Variants in SAMD12 observed in about 807,000 individuals in gnomAD.
The protein encoded by SAMD12 is sterile alpha motif domain-containing protein 12.
In SAMD12, 9 loss-of-function variants were observed where a neutral mutation model predicts 15.0. The observed-to-expected ratio is 0.60, with a 90% CI of 0.36 to 1.05. The LOEUF (loss-of-function observed/expected upper bound fraction) is 1.05, where lower values mean the gene tolerates loss of function less well. Among genes scored for constraint, SAMD12 ranks in the 50% least tolerant of loss-of-function variants. The pLI is 0.01. For synonymous variants in SAMD12, 86 were observed against 90.1 expected (o/e 0.96, Z 0.25); for missense variants, 230 against 234.2 (o/e 0.98, Z 0.12).
chr8:118,453,171 T>G (rs900462261), intron 2 of SAMD12, among the ~76,000 whole-genome samples: 1 of 152,240 alleles, frequency 6.6e-6, no homozygotes, highest in Non-Finnish European at 1.5e-5. Flanking sequence ...ACTTTTATTA[T>G]ATATTGTCAA....
At chr8:118,335,585 G>A (rs1817017972) in intron 4 of SAMD12, among the ~76,000 whole-genome samples, 1 of 152,184 alleles carries the variant, frequency 6.6e-6, no homozygotes, top group Admixed American at 6.5e-5. Flanking sequence ...TATCATTAAA[G>A]TGTGTGCCGA....
At chr8:118,492,962 G>T (rs1824492666) in intron 2 of SAMD12, among the ~76,000 whole-genome samples, 1 of 151,836 alleles carries the variant, frequency 6.6e-6, no homozygotes, top group Non-Finnish European at 1.5e-5. Flanking sequence ...CAATTTACTG[G>T]AGAAGGCATC....
At chr8:118,586,550 C>G (rs938024349) in intron 1 of SAMD12, among the ~76,000 whole-genome samples, 15 of 152,128 alleles carry the variant, frequency 9.9e-5, no homozygotes, top group Admixed American at 8.5e-4. Context: ...GCCATGTTGC[C>G]CAGGCTGGTC....
chr8:118,567,858 C>T (rs1490416922), intron 2 of SAMD12, among the ~76,000 whole-genome samples: 1 of 152,168 alleles, frequency 6.6e-6, no homozygotes, highest in East Asian at 1.9e-4. Flanking sequence ...AAAATCCTTC[C>T]AGTTTGTTTT....
In SAMD12 at chr8:118,311,616, C is replaced by T. The variant is rs941055124; in HGVS notation, c.433+67944G>A. ...AAAACAAGACATAAATTCTGAGGCT[C>T]ATATGCACTTGGAGTCTATGTAGTG... On this transcript the variant is annotated intron_variant, in intron 4 of 4. Transcript: ENST00000409003. Among the ~76,000 whole-genome samples the T allele has an allele frequency of 2.6e-5, 4 of 152,254 alleles. No homozygotes were observed. The South Asian group carries it at 6.2e-4, about 24-fold the overall frequency.
intron 4 of SAMD12, among the ~76,000 whole-genome samples, chr8:118,210,124 G>C (rs568455418): frequency 2.6e-5 from 4 of 152,170 alleles, no homozygotes; most frequent in Non-Finnish European, 5.9e-5. Context: ...TCTCTATTTG[G>C]ATGAGGAAAC....
chr8:118,373,891 T>C (rs1377575636), downstream of SAMD12, among the ~76,000 whole-genome samples: 1 of 151,898 alleles, frequency 6.6e-6, no homozygotes, highest in East Asian at 1.9e-4. Context: ...CATGAGAAAA[T>C]AAAACAATAA....
chr8:118,588,755 T>A (rs1827510189), intron 1 of SAMD12, among the ~76,000 whole-genome samples: 1 of 152,130 alleles, frequency 6.6e-6, no homozygotes, highest in Non-Finnish European at 1.5e-5. Flanking sequence ...CCTCCTTTAC[T>A]CTAGCAACAT....
rs575138383 is a variant in SAMD12, at chr8:118,478,074, C to T, written c.193-38113G>A. Among the ~76,000 whole-genome samples the T allele has an allele frequency of 4.4e-4, 67 of 151,334 alleles. 2 individuals are homozygous for T. Among genetic ancestry groups the T allele is most frequent in the African/African-American group, 1.5e-3 (62 of 41,282 alleles). On this transcript the variant is annotated intron_variant, in intron 2 of 3. Coordinates refer to ENST00000314727, the MANE Select transcript of SAMD12 (RefSeq NM_207506.3). ...ATAATATTGCCTGCCTGACTCTGCACCTCTAGTTCTCAATATGCCTTCATT... is the reference window on the plus strand; with the variant it reads ...ATAATATTGCCTGCCTGACTCTGCATCTCTAGTTCTCAATATGCCTTCATT...
At chr8:118,353,453 A>G (rs1208383352) in intron 4 of SAMD12, among the ~76,000 whole-genome samples, 1 of 151,942 alleles carries the variant, frequency 6.6e-6, no homozygotes, top group East Asian at 1.9e-4. Context: ...TTGTAAGAAG[A>G]GACAGAAGAG....
chr8:118,570,149 A>G (rs1826967961), intron 2 of SAMD12, among the ~76,000 whole-genome samples: 2 of 152,194 alleles, frequency 1.3e-5, no homozygotes, highest in African/African-American at 4.8e-5. Context: ...GAGCCACACC[A>G]TCTGAAATCT....
intron 1 of SAMD12, among the ~76,000 whole-genome samples, chr8:118,604,162 C>T (rs1568484): frequency 0.89 from 135,205 of 152,240 alleles, 60,114 homozygotes; most frequent in Middle Eastern, 0.96. Flanking sequence ...GTTACCTACC[C>T]AGAGCCTGTT....
chr8:118,186,928 A>C (rs1819252174), downstream of SAMD12, among the ~76,000 whole-genome samples: 1 of 152,170 alleles, frequency 6.6e-6, no homozygotes, highest in South Asian at 2.1e-4. Flanking sequence ...TGTAACTCAT[A>C]CCCACATCTC....
At chr8:118,464,118 CT>C (rs1466161037) in intron 2 of SAMD12, among the ~76,000 whole-genome samples, 1 of 152,108 alleles carries the variant, frequency 6.6e-6, no homozygotes, top group African/African-American at 2.4e-5. Context: ...ATATACTGTC[CT>C]TTACCTTCTG....
chr8:118,133,473 G>A, the SAMD12 span, among the ~76,000 whole-genome samples: 2 of 152,054 alleles, frequency 1.3e-5, no homozygotes, highest in African/African-American at 4.8e-5. Flanking sequence ...GCATCTATTA[G>A]CTATTCTTCC....
intron 2 of SAMD12, among the ~76,000 whole-genome samples, chr8:118,449,528 T>C (rs1823012222): frequency 6.7e-6 from 1 of 150,146 alleles, no homozygotes; most frequent in African/African-American, 2.4e-5. Flanking sequence ...AGTGAGAAAA[T>C]AGGCCGGGCG....
chr8:118,186,721 G>C (rs904595237), downstream of SAMD12, among the ~76,000 whole-genome samples: 56 of 152,170 alleles, frequency 3.7e-4, no homozygotes, highest in Admixed American at 2.9e-3. Flanking sequence ...TAATGATTTT[G>C]AAAGGGAGAA....
intron 4 of SAMD12, among the ~76,000 whole-genome samples, chr8:118,351,499 A>G (rs923602637): frequency 2.0e-5 from 3 of 152,180 alleles, no homozygotes; most frequent in Non-Finnish European, 4.4e-5. Flanking sequence ...AGCTGCCTCA[A>G]TCACAGCATT....
chr8:118,225,595 G>A (rs555344207), intron 4 of SAMD12, among the ~76,000 whole-genome samples: 18 of 152,216 alleles, frequency 1.2e-4, no homozygotes, highest in Admixed American at 9.8e-4. Context: ...GGAGCTTAGC[G>A]TTCAGGAGTT....
Sources: gnomAD v4.1 joint callset for allele counts (sites outside exome capture counted in the v4.1 genomes callset) on GRCh38, gnomAD v4.1.1 for gene constraint, MANE v1.5 for transcripts, NCBI Gene and HGNC (gene_info 2026-07-23, HGNC 2026-07-21) for gene names.